RBMS2: variants seen among roughly 807,000 people sequenced by gnomAD.
RBMS2 encodes RNA binding motif single stranded interacting protein 2, also known as RNA-binding motif, single-stranded-interacting protein 2.
RBMS2 carries 38 observed loss-of-function variants against 58.4 expected under a neutral mutation model. That is an observed-to-expected ratio of 0.65 (90% CI 0.50 to 0.85). The LOEUF (loss-of-function observed/expected upper bound fraction) is 0.85, where lower values mean the gene tolerates loss of function less well. RBMS2 is among the 40% of genes least tolerant of loss of function. RBMS2 has a pLI of 0.00. For synonymous variants in RBMS2, 151 were observed against 180.7 expected (o/e 0.84, Z 1.32); for missense variants, 367 against 503.7 (o/e 0.73, Z 2.60).
intron 5 of RBMS2, among the ~76,000 whole-genome samples, chr12:56,578,039 G>A (rs948129218): frequency 6.6e-6 from 1 of 152,086 alleles, no homozygotes; most frequent in Non-Finnish European, 1.5e-5. Context: ...TGCCCAAGCT[G>A]GTCTTGAACA....
intron 4 of RBMS2, among the ~76,000 whole-genome samples, chr12:56,570,688 C>G (rs1300169957): frequency 6.6e-6 from 1 of 152,252 alleles, no homozygotes; most frequent in Non-Finnish European, 1.5e-5. Context: ...CGCCATTCTC[C>G]TGCCTCAGCC....
At chr12:56,568,323 A>G (rs1432203558) in intron 2 of RBMS2, among the ~76,000 whole-genome samples, 1 of 152,182 alleles carries the variant, frequency 6.6e-6, no homozygotes, top group Non-Finnish European at 1.5e-5. Flanking sequence ...TTCCAGCCAG[A>G]GCTCTGCCTC....
chr12:56,522,286 C>G (rs1871850237), intron 1 of RBMS2, among the ~76,000 whole-genome samples, 197 bp downstream of exon 1: 1 of 152,008 alleles, frequency 6.6e-6, no homozygotes, highest in East Asian at 1.9e-4. Context: ...AGGGAACTTT[C>G]AGTCTCTGCG....
At chr12:56,531,086 T>G (rs1024201165) in intron 1 of RBMS2, among the ~76,000 whole-genome samples, 1 of 152,208 alleles carries the variant, frequency 6.6e-6, no homozygotes, top group Non-Finnish European at 1.5e-5. Flanking sequence ...GGGACTTTTT[T>G]CTGAACCCCC....
chr12:56,583,420 G>A (rs1207267263), intron 9 of RBMS2, among the ~76,000 whole-genome samples: 2 of 152,102 alleles, frequency 1.3e-5, no homozygotes, highest in South Asian at 2.1e-4. Flanking sequence ...TTGGGAGGCC[G>A]AGGCAGGTGG....
At chr12:56,575,083 A>C (rs2136504418) in intron 5 of RBMS2, among the ~76,000 whole-genome samples, 1 of 152,082 alleles carries the variant, frequency 6.6e-6, no homozygotes, top group Non-Finnish European at 1.5e-5. Context: ...CGGGAGGCGG[A>C]GCTTGCAGTG....
At chr12:56,571,365 C>T (rs1329115282) in intron 4 of RBMS2, among the ~76,000 whole-genome samples, 1 of 152,122 alleles carries the variant, frequency 6.6e-6, no homozygotes, top group Non-Finnish European at 1.5e-5. Context: ...AGCCAAGGAG[C>T]AAGGCAGTCT....
intron 5 of RBMS2, among the ~76,000 whole-genome samples, chr12:56,577,035 CAAAA>C (rs60298708): frequency 1.6e-5 from 1 of 63,634 alleles, no homozygotes; most frequent in Admixed American, 1.8e-4. Flanking sequence ...AGTGAGATTC[CAAAA>C]AAAAAAAAAA....
intron 2 of RBMS2, among the ~76,000 whole-genome samples, chr12:56,565,020 A>AAAAAT (rs931820589): frequency 1.3e-5 from 2 of 152,194 alleles, no homozygotes; most frequent in Admixed American, 6.5e-5. Context: ...TCAAAATAAT[A>AAAAAT]AAAATAAAAT....
intron 5 of RBMS2, among the ~76,000 whole-genome samples, chr12:56,579,168 GA>G (rs563316732): frequency 3.1e-4 from 47 of 152,210 alleles, no homozygotes; most frequent in Non-Finnish European, 5.6e-4. Context: ...TCTCCCTCAG[GA>G]AGATCAGATT....
intron 5 of RBMS2, chr12:56,573,225 C>T: frequency 1.0e-6 from 1 of 954,270 alleles, no homozygotes; most frequent in Non-Finnish European, 1.2e-6. Flanking sequence ...GCCTGTAATC[C>T]CAGCACTTTG....
rs537816802 is a variant in RBMS2 at position 56,548,399 on chromosome 12, A to G, written c.67-14018A>G. The stretch of plus-strand genomic sequence containing the variant: ...GAGGCAGAGGTTGCAGTGAGCTGAG[A>G]TTGTGCCACTGCACTCCAGCCTGGG... On this transcript the variant is annotated intron_variant, in intron 1 of 13. Coordinates refer to ENST00000262031, the MANE Select transcript of RBMS2 (RefSeq NM_002898.4). Among the ~76,000 whole-genome samples, 83 of 151,982 alleles carry G rather than the reference A, an allele frequency of 5.5e-4. 1 individual carries two copies. The highest frequency in any genetic ancestry group is 1.8e-3 in the African/African-American group (76 of 41,480).
intron 1 of RBMS2, among the ~76,000 whole-genome samples, chr12:56,557,432 C>A (rs1248462011): frequency 6.6e-6 from 1 of 151,820 alleles, no homozygotes; most frequent in Non-Finnish European, 1.5e-5. Flanking sequence ...TCAGAAGGTA[C>A]GTGAGAATAG....
intron 9 of RBMS2, 30 bp downstream of exon 9, chr12:56,582,182 G>T: frequency 1.3e-6 from 2 of 1,537,524 alleles, no homozygotes; most frequent in South Asian, 1.2e-5. Context: ...ATGGTGTGGT[G>T]GTTTTCCCTA....
intron 9 of RBMS2, 31 bp downstream of exon 9, chr12:56,582,183 G>T (rs1231682800): frequency 6.5e-7 from 1 of 1,537,936 alleles, no homozygotes; most frequent in Non-Finnish European, 8.9e-7. Context: ...TGGTGTGGTG[G>T]TTTTCCCTAC....
intron 5 of RBMS2, among the ~76,000 whole-genome samples, chr12:56,572,101 A>C (rs1446820860): frequency 1.3e-5 from 2 of 151,822 alleles, no homozygotes; most frequent in Non-Finnish European, 2.9e-5. Flanking sequence ...CCAGCCTGGC[A>C]AACATGGTGA....
At chr12:56,579,961 G>C (rs948391000) in intron 5 of RBMS2, among the ~76,000 whole-genome samples, 4 of 152,058 alleles carry the variant, frequency 2.6e-5, no homozygotes, top group Non-Finnish European at 4.4e-5. Context: ...ACGGAGTCTT[G>C]CTCTGTCACC....
At chr12:56,526,406 T>G (rs929552515) in intron 1 of RBMS2, among the ~76,000 whole-genome samples, 11 of 152,106 alleles carry the variant, frequency 7.2e-5, no homozygotes, top group Non-Finnish European at 1.3e-4. Flanking sequence ...AGATGTTTCC[T>G]GAGGAGCCCA....
intron 4 of RBMS2, 45 bp from the exon 5 acceptor site, chr12:56,571,653 G>T (rs762379300): frequency 5.6e-6 from 8 of 1,440,868 alleles, no homozygotes; most frequent in Non-Finnish European, 7.4e-6. Context: ...GGGTGGGAGA[G>T]GGATAAGAGA....
Sources: allele counts gnomAD v4.1 joint callset (sites outside exome capture counted in the v4.1 genomes callset), GRCh38; gene constraint gnomAD v4.1.1; transcripts MANE v1.5; gene names NCBI Gene and HGNC (gene_info 2026-07-23, HGNC 2026-07-21).